Variants in ACADVL observed in about 807,000 individuals in gnomAD.
ACADVL encodes very long-chain acyl-CoA dehydrogenase, mitochondrial.
Under a neutral mutation model 80.4 loss-of-function variants are expected in ACADVL, and 73 were observed. The ratio of observed to expected loss-of-function variants is 0.91; its 90% CI spans 0.75 to 1.10. The LOEUF (loss-of-function observed/expected upper bound fraction) is 1.10. ACADVL is among the 50% of genes least tolerant of loss of function. The pLI, the probability that ACADVL is intolerant of heterozygous loss-of-function variation, is 0.00. For missense variants in ACADVL, 878 were observed against 858.9 expected (o/e 1.02, Z -0.28); for synonymous variants, 392 against 326.5 (o/e 1.20, Z -2.16).
Position 7,224,191 on chromosome 17 carries a change from C to G in ACADVL, c.1480C>G (p.Pro494Ala). ...LSGLGSALKN[P>A]FGNAGLLLGE... ...TGGGCTTGGCAGTGCTCTAAAGAAT[C>G]CCTTTGGGAATGCTGGCCTCCTGCT... The change falls in exon 15 of 20, where the codon CCC (proline) becomes GCC (alanine). Residue 494 changes from proline (P) to alanine (A), a missense_variant. Coordinates refer to ENST00000356839, the MANE Select transcript of ACADVL (RefSeq NM_000018.4). 1.2e-6 allele frequency: 2 copies of G among 1,614,112 alleles called. No homozygotes were observed. The highest frequency in any genetic ancestry group is 1.7e-6 in the Non-Finnish European group (2 of 1,180,036).
At chr17:7,217,835 T>G, upstream of ACADVL, 2 of 1,533,346 alleles carry the variant, frequency 1.3e-6, no homozygotes, top group Non-Finnish European at 1.7e-6. Context: ...TTTCATTTCT[T>G]AGAGAAGGAA....
chr17:7,223,781 C>T (rs778424224), intron 12 of ACADVL, 32 bp from the exon 13 acceptor site: 20 of 1,613,980 alleles, frequency 1.2e-5, no homozygotes, highest in Non-Finnish European at 1.7e-5. Context: ...GCTCAGCTCC[C>T]AAAACCAGTC....
chr17:7,217,350 TA>T, upstream of ACADVL: 1 of 269,862 alleles, frequency 3.7e-6, no homozygotes, highest in Non-Finnish European at 4.9e-6. Context: ...AAGGGGGCCC[TA>T]AAAGGGGCTC....
In ACADVL at chr17:7,219,948, C is replaced by T; in HGVS notation, c.-37C>T. On this transcript the variant is annotated 5_prime_UTR_variant, in exon 1 of 20. Coordinates refer to ENST00000356839, the MANE Select transcript of ACADVL (RefSeq NM_000018.4). ...GGCGTGCAGGACGCCAGAGCTGGGT[C>T]AGAGCTCGAGCCAGCGGCGCCCGGA... The T allele has an allele frequency of 3.3e-6, 3 of 915,532 alleles. No individual in the cohort carries two copies. The highest frequency in any genetic ancestry group is 1.6e-5 in the South Asian group (1 of 64,154). 56.7% of individuals were successfully genotyped at this position (915,532 alleles called of 1,614,324 possible).
chr17:7,221,234 G>T, intron 6 of ACADVL, 176 bp downstream of exon 6: 1 of 1,176,116 alleles, frequency 8.5e-7, no homozygotes, highest in Non-Finnish European at 1.2e-6. Flanking sequence ...AGTCCCCTAG[G>T]CCTGAGCCAT....
At chr17:7,217,255 C>T, upstream of ACADVL, 1 of 1,226,696 alleles carries the variant, frequency 8.2e-7, no homozygotes, top group South Asian at 3.7e-5. Context: ...CCCACTTTTG[C>T]AGGGGGGGCC....
Position 7,223,900 on chromosome 17 carries a change from C to A in ACADVL, c.1332+25C>A. 4 of 1,613,920 alleles carry A rather than the reference C, an allele frequency of 2.5e-6. No individual in the cohort carries two copies. The South Asian group carries it at 4.4e-5, about 18-fold the overall frequency. On this transcript the variant is annotated intron_variant, in intron 13 of 19. Transcript: ENST00000356839. Reference sequence around the variant, plus strand: ...GGTACAGGACGGTCTTCTGCAGAGCCTCGGCTGGGCCAGGGGTGGGTAGGC... The same window carrying A: ...GGTACAGGACGGTCTTCTGCAGAGCATCGGCTGGGCCAGGGGTGGGTAGGC...
upstream of ACADVL, chr17:7,218,998 C>A: frequency 1.3e-6 from 1 of 786,898 alleles, no homozygotes; most frequent in Non-Finnish European, 2.1e-6. Context: ...CCAGCACCGC[C>A]ACCATCTTGC....
Position 7,220,476 on chromosome 17 carries a change from A to C in ACADVL, c.151A>C (p.Lys51Gln). 1 of 1,614,162 alleles carries C rather than the reference A, an allele frequency of 6.2e-7. No homozygotes were observed. Among genetic ancestry groups the C allele is most frequent in the Non-Finnish European group, 8.5e-7 (1 of 1,180,028 alleles). The change falls in exon 3 of 20, where the codon AAG becomes CAG. Residue 51 changes from lysine to glutamine, a missense_variant. Physicochemically the swap from Lys to Gln is moderately conservative, Grantham distance 53. Transcript: ENST00000356839. The part of the protein sequence containing the change: ...AGGAAQLALD[K>Q]SDSHPSDALT... The stretch of plus-strand genomic sequence containing the variant: ...TCTCTTTTCCCAGCTGGCTCTGGAC[A>C]AGTCAGATTCCCACCCCTCTGACGC...
intron 9 of ACADVL, 46 bp from the exon 10 acceptor site, chr17:7,222,621 C>T: frequency 6.4e-7 from 1 of 1,554,308 alleles, no homozygotes; most frequent in Non-Finnish European, 8.8e-7. Context: ...CCCCCAGTGA[C>T]AACCTGTTGA....
At position 7,224,712 on chromosome 17, in the gene ACADVL, G is replaced by C. The variant is rs771471327; in HGVS notation, c.1749G>C (p.Ser583=). The change falls in exon 18 of 20, where the codon TCG becomes TCC. Residue 583 remains serine (S), a splice_region_variant and synonymous_variant. Coordinates refer to ENST00000356839, the MANE Select transcript of ACADVL (RefSeq NM_000018.4). The part of the protein sequence containing the change: ...IDLYAMVVVL[S]RASRSLSEGH... ...TCTATGCCATGGTGGTGGTTCTCTCGAGGTGAGGAGGCAGGCAGGGAATGC... is the reference window on the plus strand; with the variant it reads ...TCTATGCCATGGTGGTGGTTCTCTCCAGGTGAGGAGGCAGGCAGGGAATGC... 1.3e-6 allele frequency: 2 copies of C among 1,599,720 alleles called. No homozygotes were observed. Among genetic ancestry groups the C allele is most frequent in the African/African-American group, 1.4e-5 (1 of 74,058 alleles).
rs754978968 is a variant in ACADVL, at chr17:7,221,890, G to A, written c.623-62G>A. The stretch of plus-strand genomic sequence containing the variant: ...AACTGCCTGCTGGAGGGATGGGGAA[G>A]TGGGCCGAGGGGACTTTGAAGCTCA... On this transcript the variant is annotated intron_variant, in intron 7 of 19. Coordinates refer to ENST00000356839, the MANE Select transcript of ACADVL (RefSeq NM_000018.4). 2.5e-6 allele frequency: 4 copies of A among 1,613,224 alleles called. No individual in the cohort carries two copies. In the Admixed American group the frequency reaches 5.0e-5, roughly 20 times the overall value.
rs140871321 is a variant in ACADVL at position 7,222,204 on chromosome 17, G to T, written c.780G>T (p.Thr260=). ...ISNGGLADIF[T]VFAKTPVTDP... ...ATGGGGGCCTAGCAGACATCTTCAC[G>T]GTCTTTGCCAAGACACCAGTTACAG... Residue 260 remains threonine, a synonymous_variant, in exon 9 of 20, where the codon ACG becomes ACT. Transcript: ENST00000356839. 5 of 1,614,064 alleles carry T rather than the reference G, an allele frequency of 3.1e-6. No homozygotes were observed. Among genetic ancestry groups the T allele is most frequent in the Non-Finnish European group, 3.4e-6 (4 of 1,180,016 alleles).
At position 7,223,953 on chromosome 17, in the gene ACADVL, G is replaced by C. The variant is rs1413802816; in HGVS notation, c.1333-15G>C. The C allele has an allele frequency of 6.2e-7, 1 of 1,613,772 alleles. No homozygotes were observed. The highest frequency in any genetic ancestry group is 8.5e-7 in the Non-Finnish European group (1 of 1,179,956). ...ATCTCAGCACGGGCATATAATTTGT[G>C]TGGCCCTGTGCTAGGAACCTGGAGT... On this transcript the variant is annotated splice_polypyrimidine_tract_variant and intron_variant, in intron 13 of 19. Transcript: ENST00000356839.
Position 7,224,675 on chromosome 17 carries a change from G to C in ACADVL, c.1712G>C (p.Gly571Ala). The C allele has an allele frequency of 6.4e-7, 1 of 1,572,094 alleles. No homozygotes were observed. Among genetic ancestry groups the C allele is most frequent in the Non-Finnish European group, 8.6e-7 (1 of 1,159,860 alleles). Reference protein sequence around the residue: ...EQFLLQRLADGAIDLYAMVVV... With the variant: ...EQFLLQRLADAAIDLYAMVVV... Reference sequence around the variant, plus strand: ...TTTCTGCTGCAGCGGCTGGCAGACGGGGCCATCGACCTCTATGCCATGGTG... The same window carrying C: ...TTTCTGCTGCAGCGGCTGGCAGACGCGGCCATCGACCTCTATGCCATGGTG... The change falls in exon 18 of 20, where the codon GGG becomes GCG. Residue 571 changes from glycine (G) to alanine (A), a missense_variant. By Grantham distance (60) the Gly-to-Ala change is moderately conservative. Transcript: ENST00000356839.
intron 6 of ACADVL, 27 bp from the exon 7 acceptor site, chr17:7,221,511 A>G: frequency 6.2e-7 from 1 of 1,611,424 alleles, no homozygotes; most frequent in Non-Finnish European, 8.5e-7. Flanking sequence ...AGCCAGTGAC[A>G]ACCCCAGATT....
chr17:7,222,567 T>C, intron 9 of ACADVL, 100 bp from the exon 10 acceptor site: 1 of 1,314,466 alleles, frequency 7.6e-7, no homozygotes, highest in Non-Finnish European at 1.1e-6. Context: ...AGTCTAGTGG[T>C]CGTCATTCCT....
chr17:7,219,160 C>A, upstream of ACADVL: 2 of 442,230 alleles, frequency 4.5e-6, no homozygotes, highest in Admixed American at 7.9e-5. Context: ...TCCTCTCACC[C>A]CAATGAGAAT....
At chr17:7,221,717 G>A in intron 7 of ACADVL, 35 bp downstream of exon 7, 1 of 1,613,176 alleles carries the variant, frequency 6.2e-7, no homozygotes, top group Admixed American at 1.7e-5. Context: ...GGATTGGGGG[G>A]CACACTGGGC....
Sources: allele counts gnomAD v4.1 joint callset, GRCh38; gene constraint gnomAD v4.1.1; transcripts MANE v1.5; gene names NCBI Gene and HGNC (gene_info 2026-07-23, HGNC 2026-07-21).